The following KIAA1671 variants were observed in gnomAD, a reference collection of about 807,000 sequenced individuals.
KIAA1671 encodes the protein uncharacterized protein KIAA1671.
A neutral mutation model predicts 131.2 loss-of-function variants in KIAA1671; 52 were observed. The observed-to-expected ratio is 0.40, with a 90% confidence interval of 0.32 to 0.50. KIAA1671 has a LOEUF of 0.50. Ranked by LOEUF, KIAA1671 falls within the 20% of genes least tolerant of loss-of-function variation. The pLI is 0.73. For missense variants in KIAA1671, 2,360 were observed against 2,364.2 expected, an observed-to-expected ratio of 1.00 and a Z score of 0.04; for synonymous variants, 1,003 against 961.6, an observed-to-expected ratio of 1.04 and a Z score of -0.80.
At chr22:24,960,794 C>T (rs1426844269) in intron 1 of KIAA1671, among the ~76,000 whole-genome samples, 3 of 150,640 alleles carry the variant, frequency 2.0e-5, no homozygotes, top group African/African-American at 4.9e-5. Flanking sequence ...GTGTTTAGAA[C>T]GTTGAAATGA....
chr22:25,120,958 G>T (rs1302497794), intron 6 of KIAA1671, among the ~76,000 whole-genome samples: 1 of 152,132 alleles, frequency 6.6e-6, no homozygotes, highest in Non-Finnish European at 1.5e-5. Context: ...AGGTCCCCGA[G>T]GTTTAAGTAA....
At chr22:25,077,730 A>C (rs1021212776) in intron 6 of KIAA1671, among the ~76,000 whole-genome samples, 9 of 152,124 alleles carry the variant, frequency 5.9e-5, no homozygotes, top group African/African-American at 1.7e-4. Flanking sequence ...TGTGGTTTTC[A>C]TTGTGTTTCT....
At chr22:25,181,973 C>A (rs1479771703) in intron 10 of KIAA1671, 150 bp downstream of exon 10, 10 of 750,484 alleles carry the variant, frequency 1.3e-5, no homozygotes, top group East Asian at 3.2e-5. Context: ...ATCAGGAGAT[C>A]GAGACCATCC....
At chr22:25,052,735 G>A (rs973508708) in intron 6 of KIAA1671, 1 of 151,598 alleles carries the variant, frequency 6.6e-6, no homozygotes, top group Non-Finnish European at 1.5e-5. Context: ...ATTATTATTT[G>A]AGATGGAGTC....
At chr22:25,017,672 A>G (rs1230821879) in intron 1 of KIAA1671, among the ~76,000 whole-genome samples, 2 of 152,192 alleles carry the variant, frequency 1.3e-5, no homozygotes, top group Admixed American at 6.5e-5. Context: ...AAAAAGTAGG[A>G]TGATTGAATA....
chr22:25,112,302 C>T (rs1030955390), intron 6 of KIAA1671: 5 of 398,866 alleles, frequency 1.3e-5, no homozygotes, highest in African/African-American at 1.0e-4. Flanking sequence ...CACGAACGGA[C>T]GAGTGCAGAG....
At chr22:25,005,092 G>C (rs1050118521) in intron 1 of KIAA1671, among the ~76,000 whole-genome samples, 1 of 151,992 alleles carries the variant, frequency 6.6e-6, no homozygotes, top group Non-Finnish European at 1.5e-5. Flanking sequence ...GCTCACGCCT[G>C]TAATCCCAGC....
chr22:25,145,148 C>T (rs1183929354), intron 6 of KIAA1671, among the ~76,000 whole-genome samples: 1 of 152,192 alleles, frequency 6.6e-6, no homozygotes, highest in Non-Finnish European at 1.5e-5. Context: ...AGGCCTGGGG[C>T]CCAGCGTGGG....
chr22:24,970,704 A>G (rs568888193), intron 1 of KIAA1671, among the ~76,000 whole-genome samples: 2 of 150,808 alleles, frequency 1.3e-5, no homozygotes, highest in Non-Finnish European at 1.5e-5. Context: ...CATAAAGTAC[A>G]CTAACACTAT....
At chr22:25,031,036 T>C (rs923883711) in intron 3 of KIAA1671, among the ~76,000 whole-genome samples, 10 of 152,174 alleles carry the variant, frequency 6.6e-5, no homozygotes, top group Admixed American at 2.6e-4. Context: ...TATTTTATTT[T>C]TTATTTTTAT....
chr22:25,191,364 C>T (rs1272960167), intron 12 of KIAA1671, among the ~76,000 whole-genome samples: 1 of 152,070 alleles, frequency 6.6e-6, no homozygotes, highest in African/African-American at 2.4e-5. Context: ...CCATGTTGGA[C>T]AGGCTGGTCT....
chr22:25,062,088 T>C (rs1928190125), intron 6 of KIAA1671: 1 of 151,886 alleles, frequency 6.6e-6, no homozygotes. Flanking sequence ...GGTCTGGCCA[T>C]GTTGCCAAGG....
chr22:25,138,604 C>T (rs545856813), intron 6 of KIAA1671, among the ~76,000 whole-genome samples: 24 of 152,330 alleles, frequency 1.6e-4, no homozygotes, highest in African/African-American at 5.3e-4. Context: ...GAACATTCAC[C>T]TATTCTCATG....
chr22:25,112,800 G>C (rs1223851335), intron 6 of KIAA1671: 3 of 160,790 alleles, frequency 1.9e-5, no homozygotes, highest in Non-Finnish European at 4.0e-5. Flanking sequence ...CCTATTTTTA[G>C]GGTGGATTAG....
chr22:25,013,325 T>C (rs1925138633), intron 1 of KIAA1671: 2 of 152,196 alleles, frequency 1.3e-5, no homozygotes, highest in Admixed American at 6.5e-5. Context: ...TATTTGAGAT[T>C]GTGAGACTGT....
chr22:24,987,170 TA>T (rs201977382), intron 1 of KIAA1671, among the ~76,000 whole-genome samples: 26 of 150,470 alleles, frequency 1.7e-4, no homozygotes, highest in South Asian at 2.1e-4. Context: ...TTATTATTAT[TA>T]TTTTTTTTTT....
Position 25,169,745 on chromosome 22 carries a change from C to T in KIAA1671, c.4531-1075C>T, listed in dbSNP as rs571134594. Among the ~76,000 whole-genome samples the T allele has an allele frequency of 6.6e-5, 10 of 152,162 alleles. No homozygotes were observed. In the South Asian group the frequency reaches 2.1e-3, roughly 32 times the overall value. On this transcript the variant is annotated intron_variant, in intron 6 of 12. Transcript: ENST00000358431. ...CTGTGGTCAGTTCTGTGCTAATCAG[C>T]ACCCTTGCTCCCTGCGTGCCCTCTC... is the stretch of plus-strand genomic sequence containing the variant.
At chr22:25,002,943 G>C (rs1287737322) in intron 1 of KIAA1671, among the ~76,000 whole-genome samples, 1 of 152,090 alleles carries the variant, frequency 6.6e-6, no homozygotes, top group Non-Finnish European at 1.5e-5. Context: ...CCAGTGCCCA[G>C]CTAATTTTTG....
In KIAA1671 at chr22:25,028,380, C is replaced by T. The variant is rs1194351879; in HGVS notation, c.381C>T (p.Ser127=). 3 of 1,550,720 alleles carry T rather than the reference C, an allele frequency of 1.9e-6. No homozygotes were observed. The highest frequency in any genetic ancestry group is 2.7e-5 in the African/African-American group (2 of 73,058). The stretch of plus-strand genomic sequence containing the variant: ...GCAGTGGGGAGGGCCCGAGGACGAG[C>T]TCGCCCCTCTTCAACAAGGCTGTGT... The part of the protein sequence containing the change: ...EVGSGEGPRT[S]SPLFNKAVFL... Residue 127 remains serine (S), a synonymous_variant, in exon 3 of 13, where the codon AGC becomes AGT. Transcript: ENST00000358431.
Sources: allele counts gnomAD v4.1 joint callset (sites outside exome capture counted in the v4.1 genomes callset), GRCh38; gene constraint gnomAD v4.1.1; transcripts MANE v1.5; gene names NCBI Gene and HGNC (gene_info 2026-07-23, HGNC 2026-07-21).